DNER: variants seen among roughly 807,000 people sequenced by gnomAD.
DNER encodes the protein delta/notch like EGF repeat containing.
DNER carries 33 observed loss-of-function variants against 78.2 expected under a neutral mutation model. That is an observed-to-expected ratio of 0.42 (90% confidence interval 0.32 to 0.56). The LOEUF (loss-of-function observed/expected upper bound fraction) is 0.56. DNER is among the 20% of genes least tolerant of loss of function. DNER has a pLI of 0.11. For missense variants in DNER, 918 were observed against 975.3 expected, an observed-to-expected ratio of 0.94 and a Z score of 0.78; for synonymous variants, 417 against 384.8, an observed-to-expected ratio of 1.08 and a Z score of -0.98.
At chr2:229,663,329 T>G (rs1699038320) in intron 1 of DNER, among the ~76,000 whole-genome samples, 1 of 152,272 alleles carries the variant, frequency 6.6e-6, no homozygotes, top group African/African-American at 2.4e-5. Flanking sequence ...TGAAACAAAA[T>G]GTACTGACAT....
rs551699284 is a variant in DNER at position 229,392,000 on chromosome 2, C to T, written c.1724-3604G>A. Among the ~76,000 whole-genome samples, 9 of 152,094 alleles carry T rather than the reference C, an allele frequency of 5.9e-5. No individual in the cohort carries two copies. In the South Asian group the frequency reaches 1.0e-3, roughly 18 times the overall value. ...AAAAGACAAAACCATCCAAAGTCAC[C>T]GCTGTTAGTAAATCCTTGGGTTAAC... is the stretch of plus-strand genomic sequence containing the variant. On this transcript the variant is annotated intron_variant, in intron 10 of 12. Coordinates refer to ENST00000341772, the MANE Select transcript of DNER (RefSeq NM_139072.4).
At chr2:229,421,408 G>T (rs1693760392) in intron 8 of DNER, among the ~76,000 whole-genome samples, 1 of 151,184 alleles carries the variant, frequency 6.6e-6, no homozygotes, top group Non-Finnish European at 1.5e-5. Context: ...TGTTAAGAAG[G>T]TACATTTAAT....
chr2:229,594,087 G>A (rs1207591975), intron 1 of DNER, among the ~76,000 whole-genome samples: 1 of 152,168 alleles, frequency 6.6e-6, no homozygotes, highest in Admixed American at 6.5e-5. Flanking sequence ...CTCCTCAAAA[G>A]GGGCACTGAG....
At chr2:229,385,848 AT>A (rs1416296724) in intron 11 of DNER, among the ~76,000 whole-genome samples, 25 of 152,234 alleles carry the variant, frequency 1.6e-4, no homozygotes, top group Admixed American at 1.6e-3. Context: ...AAAACATTTC[AT>A]GCTCATGGAT....
chr2:229,416,210 A>G (rs1177564302), intron 9 of DNER, among the ~76,000 whole-genome samples: 2 of 152,160 alleles, frequency 1.3e-5, no homozygotes, highest in Non-Finnish European at 1.5e-5. Flanking sequence ...TGATTCTCTC[A>G]TGCACTAGTT....
At chr2:229,655,147 C>T (rs554211635) in intron 1 of DNER, among the ~76,000 whole-genome samples, 59 of 152,120 alleles carry the variant, frequency 3.9e-4, no homozygotes, top group African/African-American at 1.1e-3. Flanking sequence ...ATGGTGGGCC[C>T]ATCATCACCA....
chr2:229,450,854 G>C (rs1402863875), intron 7 of DNER, among the ~76,000 whole-genome samples: 4 of 152,200 alleles, frequency 2.6e-5, no homozygotes, highest in African/African-American at 9.6e-5. Context: ...GCTAGAAAAA[G>C]ATGTCTGTTG....
chr2:229,667,343 A>G (rs1055190499), intron 1 of DNER, among the ~76,000 whole-genome samples: 3 of 152,222 alleles, frequency 2.0e-5, no homozygotes, highest in Non-Finnish European at 2.9e-5. Context: ...ATTTTGATTT[A>G]CCACTCTGCA....
intron 6 of DNER, among the ~76,000 whole-genome samples, chr2:229,502,844 C>T (rs1056313937): frequency 2.6e-5 from 4 of 152,120 alleles, no homozygotes; most frequent in Admixed American, 6.5e-5. Flanking sequence ...TACCTGGTTT[C>T]GCAGCTGTGT....
intron 1 of DNER, among the ~76,000 whole-genome samples, chr2:229,625,213 T>C (rs914185634): frequency 6.6e-6 from 1 of 152,164 alleles, no homozygotes; most frequent in African/African-American, 2.4e-5. Context: ...CTCTCTTGTA[T>C]TTTACAATGT....
At chr2:229,372,965 C>T (rs919188777) in intron 11 of DNER, among the ~76,000 whole-genome samples, 4 of 152,052 alleles carry the variant, frequency 2.6e-5, no homozygotes, top group African/African-American at 9.7e-5. Context: ...GTGAGACGAC[C>T]AGATTTGAGA....
intron 1 of DNER, among the ~76,000 whole-genome samples, chr2:229,696,146 G>T (rs1699659582): frequency 6.6e-6 from 1 of 152,138 alleles, no homozygotes; most frequent in Admixed American, 6.5e-5. Flanking sequence ...TTTTAGCCCT[G>T]CTTTGGCTCA....
intron 6 of DNER, among the ~76,000 whole-genome samples, chr2:229,479,403 G>C (rs1695105838): frequency 1.3e-5 from 2 of 152,074 alleles, no homozygotes. Flanking sequence ...AAGAGACACA[G>C]AGCTTGATAT....
chr2:229,654,726 C>T (rs1698884602), intron 1 of DNER, among the ~76,000 whole-genome samples: 2 of 152,166 alleles, frequency 1.3e-5, no homozygotes, highest in South Asian at 4.1e-4. Context: ...TTCTTAGCTA[C>T]AGACGCTATA....
At chr2:229,655,118 G>A (rs115527226) in intron 1 of DNER, among the ~76,000 whole-genome samples, 1,544 of 151,982 alleles carry the variant, frequency 0.01, 19 homozygotes, top group Non-Finnish European at 0.017. Context: ...ACATAAGGCC[G>A]TGGTACTCAG....
At chr2:229,425,558 C>T (rs1259554772) in intron 8 of DNER, among the ~76,000 whole-genome samples, 3 of 152,156 alleles carry the variant, frequency 2.0e-5, no homozygotes, top group Admixed American at 2.0e-4. Flanking sequence ...GCAAAGCCTT[C>T]CATGGCCTTT....
chr2:229,655,353 A>G (rs1698895001), intron 1 of DNER, among the ~76,000 whole-genome samples: 1 of 152,226 alleles, frequency 6.6e-6, no homozygotes, highest in Non-Finnish European at 1.5e-5. Flanking sequence ...GTAAGAAATG[A>G]TAACTAAGAC....
chr2:229,488,279 A>T (rs1695320040), intron 6 of DNER, among the ~76,000 whole-genome samples: 1 of 152,186 alleles, frequency 6.6e-6, no homozygotes. Context: ...TGGCTTACCG[A>T]TTCTGTGCCA....
intron 6 of DNER, among the ~76,000 whole-genome samples, chr2:229,489,801 A>G (rs1175691698): frequency 6.6e-6 from 1 of 152,156 alleles, no homozygotes; most frequent in African/African-American, 2.4e-5. Flanking sequence ...CTTCTGAAAA[A>G]TGATCAACTT....
Sources: gnomAD v4.1 joint callset for allele counts (sites outside exome capture counted in the v4.1 genomes callset) on GRCh38, gnomAD v4.1.1 for gene constraint, MANE v1.5 for transcripts, NCBI Gene and HGNC (gene_info 2026-07-23, HGNC 2026-07-21) for gene names.